Variants in HNRNPD observed in about 807,000 individuals in gnomAD.
The protein encoded by HNRNPD is heterogeneous nuclear ribonucleoprotein D0.
Under a neutral mutation model 47.9 loss-of-function variants are expected in HNRNPD, and 3 were observed. The observed-to-expected ratio is 0.06, with a 90% CI of 0.03 to 0.16. HNRNPD has a LOEUF of 0.16. HNRNPD is among the 10% of genes least tolerant of loss of function. HNRNPD has a pLI of 1.00. For synonymous variants in HNRNPD, 171 were observed against 165.1 expected, an observed-to-expected ratio of 1.04 and a Z score of -0.28; for missense variants, 287 against 454.2, an observed-to-expected ratio of 0.63 and a Z score of 3.35.
intron 2 of HNRNPD, among the ~76,000 whole-genome samples, chr4:82,365,140 C>G (rs1719687960): frequency 6.6e-6 from 1 of 152,158 alleles, no homozygotes; most frequent in South Asian, 2.1e-4. Context: ...ATCAGCCTCC[C>G]AAAGTGCTAG....
At chr4:82,373,151 A>C in intron 1 of HNRNPD, 3 of 609,668 alleles carry the variant, frequency 4.9e-6, no homozygotes, top group Non-Finnish European at 9.2e-6. Flanking sequence ...CCTGGCGGCT[A>C]AGTCGGTGGG....
At chr4:82,369,949 C>A (rs1313628782) in intron 2 of HNRNPD, among the ~76,000 whole-genome samples, 1 of 152,126 alleles carries the variant, frequency 6.6e-6, no homozygotes, top group Non-Finnish European at 1.5e-5. Flanking sequence ...TCGAGACCAG[C>A]CTGACCAACA....
intron 2 of HNRNPD, among the ~76,000 whole-genome samples, chr4:82,370,092 A>G (rs1719963532): frequency 6.6e-6 from 1 of 152,248 alleles, no homozygotes; most frequent in African/African-American, 2.4e-5. Flanking sequence ...CGCTGAGCCA[A>G]GATCACACCA....
At chr4:82,367,013 C>G (rs1485972281) in intron 2 of HNRNPD, among the ~76,000 whole-genome samples, 1 of 149,980 alleles carries the variant, frequency 6.7e-6, no homozygotes, top group East Asian at 2.0e-4. Context: ...AACACACCCC[C>G]CAACACACTA....
intron 2 of HNRNPD, among the ~76,000 whole-genome samples, chr4:82,366,022 C>T (rs1409856065): frequency 2.6e-5 from 4 of 152,052 alleles, no homozygotes; most frequent in African/African-American, 9.7e-5. Flanking sequence ...ATTTCCCCAT[C>T]ATTAAAGAAT....
At chr4:82,363,351 C>T (rs865937165) in intron 2 of HNRNPD, among the ~76,000 whole-genome samples, 2 of 152,044 alleles carry the variant, frequency 1.3e-5, no homozygotes, top group Non-Finnish European at 2.9e-5. Flanking sequence ...ATTAGAGGCG[C>T]GAGCCACCAT....
chr4:82,356,389 G>C, intron 7 of HNRNPD, 148 bp downstream of exon 7: 1 of 625,146 alleles, frequency 1.6e-6, no homozygotes, highest in South Asian at 2.0e-5. Context: ...GAGGAACCAA[G>C]CAATAAAATG....
rs1279369104 is a variant in HNRNPD, at chr4:82,373,941, G to A, written c.-263C>T. ...ATAAGCACCAGCGGCGGCCGCTCTC[G>A]CCTCCTCCTCGCTTTAATGGCGCCG... is the stretch of plus-strand genomic sequence containing the variant. On this transcript the variant is annotated 5_prime_UTR_variant, in exon 1 of 9. Coordinates refer to ENST00000313899, the MANE Select transcript of HNRNPD (RefSeq NM_031370.3). 2 of 785,554 alleles carry A rather than the reference G, an allele frequency of 2.5e-6. No homozygotes were observed. The highest frequency in any genetic ancestry group is 3.7e-6 in the Non-Finnish European group (2 of 536,312). 48.7% of individuals were successfully genotyped at this position (785,554 alleles called of 1,614,324 possible). A position where few individuals can be genotyped will look rare whatever the true frequency, so the allele number is the denominator to read the frequency against.
intron 2 of HNRNPD, among the ~76,000 whole-genome samples, chr4:82,367,026 C>CTTTTTT (rs34807755): frequency 3.9e-5 from 5 of 128,144 alleles, no homozygotes; most frequent in African/African-American, 1.6e-4. Context: ...ACACACTAGC[C>CTTTTTT]TTTTTTTTTT....
intron 8 of HNRNPD, 198 bp downstream of exon 8, chr4:82,355,106 C>T (rs1009321738): frequency 1.4e-5 from 8 of 565,078 alleles, no homozygotes; most frequent in South Asian, 2.3e-5. Flanking sequence ...GTTAACTTTA[C>T]TGACTTGTTA....
chr4:82,373,808 G>A lies in HNRNPD; in HGVS notation c.-130C>T, dbSNP rs1447375953. 7.3e-6 allele frequency: 11 copies of A among 1,497,792 alleles called. No homozygotes were observed. Among genetic ancestry groups the A allele is most frequent in the Non-Finnish European group, 1.8e-6 (2 of 1,126,276 alleles). The allele number at this position is 1,497,792 out of a possible 1,614,324, so 92.8% of individuals were successfully genotyped here. On this transcript the variant is annotated 5_prime_UTR_variant, in exon 1 of 9. Transcript: ENST00000313899. The stretch of plus-strand genomic sequence containing the variant: ...TCGCGAAGCACACAAGACAGGGAAG[G>A]CGCGCGCGTGGCTGCAAAGGCTCCT...
At chr4:82,365,220 C>A (rs1719692123) in intron 2 of HNRNPD, among the ~76,000 whole-genome samples, 1 of 152,104 alleles carries the variant, frequency 6.6e-6, no homozygotes, top group African/African-American at 2.4e-5. Context: ...AACTTATGAT[C>A]TTACATACAT....
At chr4:82,361,279 T>G (rs34356015) in intron 2 of HNRNPD, among the ~76,000 whole-genome samples, 25,655 of 152,208 alleles carry the variant, frequency 0.17, 2,606 homozygotes, top group Non-Finnish European at 0.23. Context: ...TCCAGAATAC[T>G]TCCTTCACAG....
At position 82,369,765 on chromosome 4, in the gene HNRNPD, G is replaced by A. The variant is rs183828895; in HGVS notation, c.290+1763C>T. 3.9e-5 allele frequency among the ~76,000 whole-genome samples: 6 copies of A among 151,908 alleles called. No individual in the cohort carries two copies. The East Asian group carries it at 5.8e-4, about 15-fold the overall frequency. ...AAGCCTTAACGTCTGGAACAGGATA[G>A]GGCTGCATAATTGGAAAGTTAAGAA... On this transcript the variant is annotated intron_variant, in intron 2 of 8. Coordinates refer to ENST00000313899, the MANE Select transcript of HNRNPD (RefSeq NM_031370.3).
Position 82,371,568 on chromosome 4 carries a change from G to A in HNRNPD, c.250C>T (p.Pro84Ser). 6.2e-7 allele frequency: 1 copy of A among 1,613,148 alleles called. No homozygotes were observed. Among genetic ancestry groups the A allele is most frequent in the Non-Finnish European group, 8.5e-7 (1 of 1,179,366 alleles). ...EEDEGHSNSS[P>S]RHSEAATAQR... ...GCCGTCGCTGCTTCAGAGTGTCGTG[G>A]GGAGGAGTTTGAATGGCTAGGGAAT... Residue 84 changes from proline to serine, a missense_variant, in exon 2 of 9, where the codon CCA becomes TCA. Pro to Ser is a moderately conservative substitution (Grantham distance 74). This residue lies in a region of HNRNPD where 161 missense variants were observed against 137.1 expected (regional missense o/e 1.17). Transcript: ENST00000313899.
intron 7 of HNRNPD, 199 bp from the exon 8 acceptor site, chr4:82,355,600 C>A (rs557008984): frequency 3.5e-6 from 2 of 572,864 alleles, no homozygotes; most frequent in East Asian, 2.9e-5. Context: ...TCAGAATGAG[C>A]TGATTACTTG....
At chr4:82,358,616 C>T (rs1723827943) in intron 4 of HNRNPD, 43 bp downstream of exon 4, 1 of 1,558,102 alleles carries the variant, frequency 6.4e-7, no homozygotes, top group Non-Finnish European at 8.7e-7. Flanking sequence ...ATCACATTCA[C>T]ACTAATTTTG....
At chr4:82,361,284 TCA>T (rs1344951819) in intron 2 of HNRNPD, among the ~76,000 whole-genome samples, 3 of 152,304 alleles carry the variant, frequency 2.0e-5, no homozygotes, top group Admixed American at 2.0e-4. Context: ...AATACTTCCT[TCA>T]CAGACAGAAG....
intron 4 of HNRNPD, 61 bp from the exon 5 acceptor site, chr4:82,357,505 A>T: frequency 6.9e-7 from 1 of 1,442,788 alleles, no homozygotes; most frequent in Non-Finnish European, 9.3e-7. Flanking sequence ...TAAAAGAAAC[A>T]CAAGTTTAGA....
Sources: allele counts gnomAD v4.1 joint callset (sites outside exome capture counted in the v4.1 genomes callset), GRCh38; gene constraint gnomAD v4.1.1; regional missense constraint gnomAD v4.1.1; transcripts MANE v1.5; gene names NCBI Gene and HGNC (gene_info 2026-07-23, HGNC 2026-07-21).